Variants in CDH4 observed in about 807,000 individuals in gnomAD.
The protein encoded by CDH4 is cadherin 4.
A neutral mutation model predicts 86.0 loss-of-function variants in CDH4; 33 were observed. The ratio of observed to expected loss-of-function variants is 0.38; its 90% CI spans 0.29 to 0.51. The LOEUF is 0.51. CDH4 is among the 20% of genes least tolerant of loss of function. The pLI is 0.86. For synonymous variants in CDH4, 555 were observed against 549.4 expected (o/e 1.01, Z -0.14); for missense variants, 1,114 against 1,307.4 (o/e 0.85, Z 2.28).
intron 4 of CDH4, among the ~76,000 whole-genome samples, chr20:61,798,460 A>T (rs1979662047): frequency 6.6e-6 from 1 of 152,078 alleles, no homozygotes; most frequent in Non-Finnish European, 1.5e-5. Flanking sequence ...TGTGGTCCAG[A>T]GCGTGGCCCC....
chr20:61,514,306 G>GCCCCCCCCCCCCCCC (rs1215793319), intron 2 of CDH4, among the ~76,000 whole-genome samples: 15 of 125,896 alleles, frequency 1.2e-4, no homozygotes, highest in African/African-American at 3.9e-4. Context: ...GCCTCAGTCC[G>GCCCCCCCCCCCCCCC]CCCCCCCCGC....
intron 15 of CDH4, among the ~76,000 whole-genome samples, chr20:61,934,980 T>C (rs1192124764): frequency 2.0e-5 from 3 of 152,264 alleles, no homozygotes; most frequent in African/African-American, 4.8e-5. Context: ...CCTGTCTTCG[T>C]TCCCGTCTTC....
intron 2 of CDH4, among the ~76,000 whole-genome samples, chr20:61,416,834 A>G (rs2085149819): frequency 6.6e-6 from 1 of 152,180 alleles, no homozygotes; most frequent in Non-Finnish European, 1.5e-5. Context: ...TAGGGCCTGC[A>G]GCTCTATTCA....
At chr20:61,803,229 G>A (rs1227034258) in intron 4 of CDH4, among the ~76,000 whole-genome samples, 1 of 152,198 alleles carries the variant, frequency 6.6e-6, no homozygotes, top group East Asian at 1.9e-4. Context: ...AGAGTGGCAG[G>A]GAGCAGCCTG....
chr20:61,420,309 G>A (rs573997146), intron 2 of CDH4, among the ~76,000 whole-genome samples: 1 of 152,334 alleles, frequency 6.6e-6, no homozygotes, highest in East Asian at 1.9e-4. Flanking sequence ...ACTGGAGGAG[G>A]GACCACTCAG....
At chr20:61,604,622 G>A (rs540181863) in intron 2 of CDH4, among the ~76,000 whole-genome samples, 45 of 152,242 alleles carry the variant, frequency 3.0e-4, no homozygotes, top group African/African-American at 9.9e-4. Flanking sequence ...GAGGTGTCTC[G>A]GTGTTTGATG....
At chr20:61,910,691 C>G (rs1200221330) in intron 9 of CDH4, 84 bp downstream of exon 9, 18 of 1,296,154 alleles carry the variant, frequency 1.4e-5, no homozygotes, top group Non-Finnish European at 1.2e-5. Context: ...AGGAGTGATA[C>G]TCGGTGTAAA....
At chr20:61,907,272 G>A (rs538405222) in intron 8 of CDH4, among the ~76,000 whole-genome samples, 4 of 148,952 alleles carry the variant, frequency 2.7e-5, no homozygotes, top group South Asian at 2.3e-4. Flanking sequence ...CCCATTCCCC[G>A]GCCCTTCTGG....
chr20:61,504,544 C>T (rs2085726875), intron 2 of CDH4, among the ~76,000 whole-genome samples: 1 of 152,150 alleles, frequency 6.6e-6, no homozygotes, highest in Non-Finnish European at 1.5e-5. Flanking sequence ...CCCAAGATCC[C>T]ACCGTAGGCA....
intron 4 of CDH4, among the ~76,000 whole-genome samples, chr20:61,792,342 C>T (rs1055087348): frequency 1.3e-5 from 2 of 152,172 alleles, no homozygotes; most frequent in African/African-American, 4.8e-5. Context: ...GGATACTGTG[C>T]ACATCTGTCC....
At chr20:61,536,831 G>A (rs2086000981) in intron 2 of CDH4, among the ~76,000 whole-genome samples, 1 of 152,158 alleles carries the variant, frequency 6.6e-6, no homozygotes, top group Non-Finnish European at 1.5e-5. Flanking sequence ...AGGAAGGAAG[G>A]AGGGCACAGC....
intron 2 of CDH4, among the ~76,000 whole-genome samples, chr20:61,262,154 G>T (rs766839316): frequency 4.6e-5 from 7 of 152,188 alleles, no homozygotes; most frequent in Non-Finnish European, 1.5e-5. Flanking sequence ...TAGTGAGGCC[G>T]GTTACAGATT....
intron 2 of CDH4, among the ~76,000 whole-genome samples, chr20:61,321,098 T>A (rs891589021): frequency 1.2e-4 from 19 of 152,188 alleles, no homozygotes; most frequent in Non-Finnish European, 2.9e-5. Context: ...TAGTCCCGCC[T>A]GTGGTCAGCC....
chr20:61,888,571 G>T (rs2122845150), intron 7 of CDH4, among the ~76,000 whole-genome samples: 1 of 152,358 alleles, frequency 6.6e-6, no homozygotes, highest in East Asian at 1.9e-4. Flanking sequence ...AAGGCCTCAG[G>T]CCCAGCGAAT....
chr20:61,400,860 T>A (rs1007068600), intron 2 of CDH4, among the ~76,000 whole-genome samples: 1 of 152,232 alleles, frequency 6.6e-6, no homozygotes, highest in Non-Finnish European at 1.5e-5. Flanking sequence ...TTCCAGAGCC[T>A]CATCCTTTCA....
intron 2 of CDH4, among the ~76,000 whole-genome samples, chr20:61,427,561 T>C (rs1439385282): frequency 6.6e-6 from 1 of 151,558 alleles, no homozygotes; most frequent in African/African-American, 2.4e-5. Flanking sequence ...CTTTCATCCC[T>C]GCACTGTCTA....
At chr20:61,857,266 A>G (rs1222946919) in intron 6 of CDH4, among the ~76,000 whole-genome samples, 1 of 152,222 alleles carries the variant, frequency 6.6e-6, no homozygotes, top group Non-Finnish European at 1.5e-5. Flanking sequence ...ACGGGGCTCC[A>G]GGAAGTGGGC....
rs1191276991 is a variant in CDH4 at position 61,311,894 on chromosome 20, G to A, written c.169+56957G>A. ...ATGGCACAGCACCCTGGCTTCCTGC[G>A]GAGCCGGCTGCATCCACACCTGTTC... On this transcript the variant is annotated intron_variant, in intron 2 of 15. Transcript: ENST00000614565. 3.9e-5 allele frequency among the ~76,000 whole-genome samples: 6 copies of A among 152,258 alleles called. No homozygotes were observed. In the East Asian group the frequency reaches 7.7e-4, roughly 20 times the overall value.
chr20:61,564,412 C>T (rs2086246441), intron 2 of CDH4, among the ~76,000 whole-genome samples: 1 of 151,992 alleles, frequency 6.6e-6, no homozygotes, highest in African/African-American at 2.4e-5. Flanking sequence ...GGGGTAGATC[C>T]CTCATGAATG....
Sources: allele counts gnomAD v4.1 joint callset (sites outside exome capture counted in the v4.1 genomes callset), GRCh38; gene constraint gnomAD v4.1.1; transcripts MANE v1.5; gene names NCBI Gene and HGNC (gene_info 2026-07-23, HGNC 2026-07-21).